The following UBAP2 variants were observed in gnomAD, a reference collection of about 807,000 sequenced individuals.
UBAP2 encodes the protein ubiquitin-associated protein 2.
UBAP2 carries 75 observed loss-of-function variants against 139.6 expected under a neutral mutation model. The observed-to-expected ratio is 0.54, with a 90% CI of 0.45 to 0.65. The LOEUF is 0.65. Among genes scored for constraint, UBAP2 ranks in the 30% least tolerant of loss-of-function variants. The pLI, the probability that UBAP2 is intolerant of heterozygous loss-of-function variation, is 0.00. For missense variants in UBAP2, 1,368 were observed against 1,369.6 expected (o/e 1.00, Z 0.02); for synonymous variants, 526 against 526.2 (o/e 1.00, Z 0.01).
chr9:34,011,870 T>C (rs1823776772), intron 2 of UBAP2, among the ~76,000 whole-genome samples: 1 of 152,216 alleles, frequency 6.6e-6, no homozygotes, highest in African/African-American at 2.4e-5. Flanking sequence ...ACTAAGCTGC[T>C]TTCACAGTGG....
At chr9:33,992,373 G>C (rs1821783955) in intron 4 of UBAP2, among the ~76,000 whole-genome samples, 1 of 115,466 alleles carries the variant, frequency 8.7e-6, no homozygotes, top group African/African-American at 3.4e-5. Context: ...TGGTCAACAA[G>C]AGCAAAACTC....
At chr9:33,965,967 G>A (rs1307226474) in intron 8 of UBAP2, among the ~76,000 whole-genome samples, 2 of 151,190 alleles carry the variant, frequency 1.3e-5, no homozygotes, top group Non-Finnish European at 2.9e-5. Flanking sequence ...GGAGAATGGC[G>A]TGAACCCGGG....
intron 18 of UBAP2, 101 bp downstream of exon 18, chr9:33,933,389 A>G (rs1824173440): frequency 1.5e-6 from 2 of 1,348,616 alleles, no homozygotes; most frequent in Non-Finnish European, 2.0e-6. Flanking sequence ...ACATCACGTC[A>G]GAGACAACAA....
In UBAP2 at chr9:33,923,310, C is replaced by T. The variant is rs369603396; in HGVS notation, c.2897-17G>A. 4.3e-6 allele frequency: 7 copies of T among 1,613,998 alleles called. 1 individual carries two copies. In the African/African-American group the frequency reaches 9.3e-5, roughly 22 times the overall value. On this transcript the variant is annotated splice_polypyrimidine_tract_variant and intron_variant, in intron 25 of 28. Coordinates refer to ENST00000379238, the MANE Select transcript of UBAP2 (RefSeq NM_001370062.2). The stretch of plus-strand genomic sequence containing the variant: ...CGTCATAACCTAGCGTGGCAGGGTA[C>T]AAGAGGCAAGTGTGAGCCAGGCAAG...
intron 1 of UBAP2, among the ~76,000 whole-genome samples, chr9:34,034,160 G>A (rs1455653219): frequency 1.3e-5 from 2 of 152,080 alleles, no homozygotes; most frequent in Non-Finnish European, 2.9e-5. Flanking sequence ...TTTCACAAGT[G>A]ATTTATAAAA....
chr9:33,952,834 A>T (rs533579020), intron 12 of UBAP2: 1 of 154,846 alleles, frequency 6.5e-6, no homozygotes, highest in East Asian at 1.9e-4. Flanking sequence ...AAATTACCAC[A>T]TCATTGTTTT....
chr9:33,981,064 CATATAT>C (rs552165278), intron 6 of UBAP2, among the ~76,000 whole-genome samples: 91 of 5,274 alleles, frequency 0.017, 16 homozygotes, highest in East Asian at 0.042. Context: ...TTATTTACTT[CATATAT>C]ATATATATAT....
Position 33,926,608 on chromosome 9 carries a change from C to G in UBAP2, c.2511+9G>C, listed in dbSNP as rs773902306. ...ACCCTCTGCTCCGACCAGTCCATAC[C>G]CCACTCACCACTGGCAGCCGTGACT... On this transcript the variant is annotated intron_variant, in intron 22 of 28. Transcript: ENST00000379238. 9 of 1,614,104 alleles carry G rather than the reference C, an allele frequency of 5.6e-6. No homozygotes were observed. The highest frequency in any genetic ancestry group is 6.8e-6 in the Non-Finnish European group (8 of 1,179,982).
chr9:34,045,399 C>T (rs999815223), intron 1 of UBAP2, among the ~76,000 whole-genome samples: 5 of 151,114 alleles, frequency 3.3e-5, no homozygotes, highest in African/African-American at 7.3e-5. Flanking sequence ...TTTTTTGAGA[C>T]GGAGTCTTGC....
chr9:34,043,893 C>T (rs1251954709), intron 1 of UBAP2, among the ~76,000 whole-genome samples: 1 of 151,428 alleles, frequency 6.6e-6, no homozygotes, highest in Non-Finnish European at 1.5e-5. Flanking sequence ...TTTGGGAGGC[C>T]GAAGCAGGTG....
chr9:33,959,895 G>A (rs1826893414), intron 10 of UBAP2, among the ~76,000 whole-genome samples: 1 of 151,862 alleles, frequency 6.6e-6, no homozygotes, highest in South Asian at 2.1e-4. Flanking sequence ...ACAAAACACA[G>A]ATAAGCTTAA....
At chr9:33,981,629 C>T (rs1220781411) in intron 6 of UBAP2, among the ~76,000 whole-genome samples, 1 of 151,796 alleles carries the variant, frequency 6.6e-6, no homozygotes, top group Non-Finnish European at 1.5e-5. Context: ...GCTAGAATTA[C>T]AGGCATAAGC....
chr9:34,005,921 T>G (rs1038433027), intron 2 of UBAP2, among the ~76,000 whole-genome samples: 1 of 152,178 alleles, frequency 6.6e-6, no homozygotes. Flanking sequence ...TAAGACATTC[T>G]TATTCTTTAG....
chr9:33,945,712 A>G (rs1044165552), intron 13 of UBAP2, among the ~76,000 whole-genome samples: 1 of 152,214 alleles, frequency 6.6e-6, no homozygotes, highest in Non-Finnish European at 1.5e-5. Flanking sequence ...ACTGTCTCAC[A>G]AATCATTTAA....
At chr9:33,979,390 A>G (rs1820434782) in intron 6 of UBAP2, among the ~76,000 whole-genome samples, 1 of 152,216 alleles carries the variant, frequency 6.6e-6, no homozygotes, top group Non-Finnish European at 1.5e-5. Flanking sequence ...AGCCTGACCT[A>G]CATAGAGAAA....
rs777863188 is a variant in UBAP2, at chr9:33,927,816, G to A, written c.2352C>T (p.Ala784=). 9 of 1,613,002 alleles carry A rather than the reference G, an allele frequency of 5.6e-6. No homozygotes were observed. The highest frequency in any genetic ancestry group is 2.2e-5 in the East Asian group (1 of 44,878). Residue 784 remains alanine (A), a synonymous_variant, in exon 20 of 29, where the codon GCC becomes GCT. Transcript: ENST00000379238. ...PASASSSSSR[A]APLVTSGKAP... Reference sequence around the variant, plus strand: ...AAATACCTGAGGTCACCAAGGGCGCGGCCCTGCTACTGCTGCTGGATGCAC... The same window carrying A: ...AAATACCTGAGGTCACCAAGGGCGCAGCCCTGCTACTGCTGCTGGATGCAC...
At position 33,946,463 on chromosome 9, in the gene UBAP2, G is replaced by A. The variant is rs541586052; in HGVS notation, c.1271-1824C>T. Reference sequence around the variant, plus strand: ...AGAGATCCAACTTCATTTTTCAAACGGTTTTAATAAAGCGTTTTTTCACTA... The same window carrying A: ...AGAGATCCAACTTCATTTTTCAAACAGTTTTAATAAAGCGTTTTTTCACTA... On this transcript the variant is annotated intron_variant, in intron 13 of 28. Transcript: ENST00000379238. 3.3e-5 allele frequency among the ~76,000 whole-genome samples: 5 copies of A among 152,188 alleles called. No individual in the cohort carries two copies. The East Asian group carries it at 5.8e-4, about 18-fold the overall frequency.
intron 12 of UBAP2, 108 bp downstream of exon 12, chr9:33,953,177 G>A: frequency 2.7e-6 from 3 of 1,130,958 alleles, no homozygotes; most frequent in East Asian, 2.6e-5. Flanking sequence ...CCTTACTGTA[G>A]ATATTTTTAT....
At chr9:34,013,846 C>T (rs560773088) in intron 2 of UBAP2, among the ~76,000 whole-genome samples, 20 of 151,356 alleles carry the variant, frequency 1.3e-4, no homozygotes, top group African/African-American at 4.8e-4. Context: ...CACTGCACTC[C>T]AGCCTGGGCG....
Sources: allele counts gnomAD v4.1 joint callset (sites outside exome capture counted in the v4.1 genomes callset), GRCh38; gene constraint gnomAD v4.1.1; transcripts MANE v1.5; gene names NCBI Gene and HGNC (gene_info 2026-07-23, HGNC 2026-07-21).